GRID2: variants seen among roughly 807,000 people sequenced by gnomAD.
GRID2 encodes the protein glutamate receptor ionotropic, delta-2.
GRID2 carries 33 observed loss-of-function variants against 114.8 expected under a neutral mutation model. The observed-to-expected ratio is 0.29, with a 90% CI of 0.22 to 0.38. The LOEUF (loss-of-function observed/expected upper bound fraction) is 0.38. GRID2 is among the 10% of genes least tolerant of loss of function. GRID2 has a pLI of 1.00. For synonymous variants in GRID2, 505 were observed against 449.9 expected (o/e 1.12, Z -1.55); for missense variants, 1,184 against 1,257.7 (o/e 0.94, Z 0.89).
At chr4:93,615,043 T>C (rs1741458782) in intron 13 of GRID2, among the ~76,000 whole-genome samples, 1 of 152,204 alleles carries the variant, frequency 6.6e-6, no homozygotes, top group African/African-American at 2.4e-5. Flanking sequence ...GCTGCTCTTA[T>C]CAAGCCTGCA....
chr4:93,053,837 C>G (rs1726957767), intron 2 of GRID2, among the ~76,000 whole-genome samples: 1 of 151,834 alleles, frequency 6.6e-6, no homozygotes, highest in African/African-American at 2.4e-5. Flanking sequence ...GCTTACACAA[C>G]AAACACATGG....
At position 92,781,691 on chromosome 4, in the gene GRID2, T is replaced by C. The variant is rs1445534972; in HGVS notation, c.244+191405T>C. On this transcript the variant is annotated intron_variant, in intron 2 of 15. Transcript: ENST00000282020. ...TTTGTTTTTCAAACTTCTACTTTTA[T>C]CAGTAATAGAAAGGAGCTATTGAGG... Among the ~76,000 whole-genome samples the C allele has an allele frequency of 2.0e-5, 3 of 152,054 alleles. No individual in the cohort carries two copies. In the East Asian group the frequency reaches 5.8e-4, roughly 29 times the overall value.
chr4:93,343,183 T>TA (rs1759844476), intron 8 of GRID2, among the ~76,000 whole-genome samples: 1 of 149,570 alleles, frequency 6.7e-6, no homozygotes, highest in African/African-American at 2.5e-5. Flanking sequence ...TGTGTGTGTA[T>TA]TGGGTCATAT....
chr4:93,369,140 C>T (rs57971199), intron 8 of GRID2, among the ~76,000 whole-genome samples: 1 of 152,146 alleles, frequency 6.6e-6, no homozygotes, highest in African/African-American at 2.4e-5. Flanking sequence ...TGCACTCCCC[C>T]TAAAGGCTTT....
intron 4 of GRID2, among the ~76,000 whole-genome samples, chr4:93,121,275 G>C (rs1733761582): frequency 6.6e-6 from 1 of 152,082 alleles, no homozygotes; most frequent in Non-Finnish European, 1.5e-5. Flanking sequence ...CCATCATCCA[G>C]ATCAAGAAAC....
Position 92,438,737 on chromosome 4 carries a change from A to T in GRID2, c.88+133993A>T, listed in dbSNP as rs529268563. Among the ~76,000 whole-genome samples, 18 of 152,252 alleles carry T rather than the reference A, an allele frequency of 1.2e-4. No homozygotes were observed. The East Asian group carries it at 3.3e-3, about 28-fold the overall frequency. On this transcript the variant is annotated intron_variant, in intron 1 of 15. Transcript: ENST00000282020. ...AAGAATCCCAGTCGTTCTAGGAGAA[A>T]GTTGTATTTTTGAATTCTCTTCTTT...
chr4:93,125,344 TTTTG>T (rs1734167025), intron 4 of GRID2, among the ~76,000 whole-genome samples: 1 of 151,956 alleles, frequency 6.6e-6, no homozygotes. Flanking sequence ...AATGTAGAAG[TTTTG>T]AAAAAGCAAA....
chr4:93,076,987 T>C (rs1578920188), intron 2 of GRID2, among the ~76,000 whole-genome samples: 1 of 152,260 alleles, frequency 6.6e-6, no homozygotes, highest in East Asian at 1.9e-4. Context: ...AGTCCCTCAG[T>C]CTTTTATTGA....
At chr4:93,458,603 C>T (rs1486725249) in intron 11 of GRID2, among the ~76,000 whole-genome samples, 3 of 152,058 alleles carry the variant, frequency 2.0e-5, no homozygotes, top group African/African-American at 4.8e-5. Flanking sequence ...AGAGAACATC[C>T]TGGATGTACC....
intron 10 of GRID2, among the ~76,000 whole-genome samples, chr4:93,431,838 A>G (rs1769443211): frequency 6.6e-6 from 1 of 152,200 alleles, no homozygotes; most frequent in South Asian, 2.1e-4. Flanking sequence ...TATGTGAAGG[A>G]TAAATATCCT....
intron 1 of GRID2, among the ~76,000 whole-genome samples, chr4:92,363,819 C>CTT (rs11342142): frequency 0.011 from 1,324 of 124,078 alleles, 30 homozygotes; most frequent in East Asian, 0.043. Flanking sequence ...ATTAAGTTTA[C>CTT]TTTTTTTTTT....
intron 5 of GRID2, among the ~76,000 whole-genome samples, chr4:93,212,787 T>C (rs1560993487): frequency 6.6e-6 from 1 of 151,898 alleles, no homozygotes; most frequent in African/African-American, 2.4e-5. Flanking sequence ...TTTTTTTTCT[T>C]TTTTGACAGA....
chr4:92,984,207 T>C (rs1334862279), intron 2 of GRID2, among the ~76,000 whole-genome samples: 6 of 152,230 alleles, frequency 3.9e-5, no homozygotes, highest in Non-Finnish European at 7.3e-5. Context: ...TGTCTCTTTT[T>C]TCTAAATTAC....
intron 1 of GRID2, among the ~76,000 whole-genome samples, chr4:92,309,580 A>G (rs1242010337): frequency 6.6e-6 from 1 of 151,806 alleles, no homozygotes; most frequent in African/African-American, 2.4e-5. Context: ...TCAGAAAAAA[A>G]TGTCATTTTA....
At chr4:93,682,491 T>C (rs1027827095) in intron 14 of GRID2, among the ~76,000 whole-genome samples, 1 of 152,024 alleles carries the variant, frequency 6.6e-6, no homozygotes, top group African/African-American at 2.4e-5. Context: ...TGTATGTTTA[T>C]TGTGGCACTA....
At chr4:93,727,697 T>C (rs1730064975) in intron 14 of GRID2, among the ~76,000 whole-genome samples, 1 of 152,236 alleles carries the variant, frequency 6.6e-6, no homozygotes, top group South Asian at 2.1e-4. Context: ...ATTCAACTTC[T>C]TCCTGGTTTA....
chr4:92,552,392 A>G (rs1461213058), intron 1 of GRID2, among the ~76,000 whole-genome samples: 1 of 152,192 alleles, frequency 6.6e-6, no homozygotes, highest in Admixed American at 6.5e-5. Context: ...GTGACATTTG[A>G]TAGAGTAGTT....
At chr4:92,825,298 A>G (rs968901847) in intron 2 of GRID2, among the ~76,000 whole-genome samples, 3 of 152,134 alleles carry the variant, frequency 2.0e-5, no homozygotes, top group Non-Finnish European at 4.4e-5. Flanking sequence ...TGGGGCTCGC[A>G]GTCTGTTGAG....
intron 14 of GRID2, among the ~76,000 whole-genome samples, chr4:93,652,798 A>G (rs1443778671): frequency 1.4e-5 from 2 of 142,488 alleles, no homozygotes; most frequent in East Asian, 4.4e-4. Flanking sequence ...AAAAAAAAAA[A>G]AAAAAAAAAA....
Sources: allele counts gnomAD v4.1 joint callset (sites outside exome capture counted in the v4.1 genomes callset), GRCh38; gene constraint gnomAD v4.1.1; transcripts MANE v1.5; gene names NCBI Gene and HGNC (gene_info 2026-07-23, HGNC 2026-07-21).